DHX35: variants seen among roughly 807,000 people sequenced by gnomAD.
DHX35 encodes the protein probable ATP-dependent RNA helicase DHX35.
In DHX35, 84 loss-of-function variants were observed where a neutral mutation model predicts 99.6. The ratio of observed to expected loss-of-function variants is 0.84; its 90% CI spans 0.71 to 1.01. DHX35 has a LOEUF of 1.01. Among genes scored for constraint, DHX35 ranks in the 50% least tolerant of loss-of-function variants. DHX35 has a pLI of 0.00. For synonymous variants in DHX35, 331 were observed against 316.2 expected, an observed-to-expected ratio of 1.05 and a Z score of -0.50; for missense variants, 852 against 888.5, an observed-to-expected ratio of 0.96 and a Z score of 0.52.
At chr20:38,974,210 A>G (rs2086043124) in intron 3 of DHX35, among the ~76,000 whole-genome samples, 1 of 152,256 alleles carries the variant, frequency 6.6e-6, no homozygotes, top group Admixed American at 6.5e-5. Context: ...ATATAAGGTG[A>G]CTTAGAAACT....
At chr20:39,006,049 C>T in intron 11 of DHX35, 97 bp from the exon 12 acceptor site, 1 of 1,375,834 alleles carries the variant, frequency 7.3e-7, no homozygotes, top group Non-Finnish European at 1.0e-6. Flanking sequence ...ACAGATTCTG[C>T]AATGTTGGAA....
At chr20:39,022,995 C>T (rs1242974715) in intron 16 of DHX35, among the ~76,000 whole-genome samples, 1 of 152,142 alleles carries the variant, frequency 6.6e-6, no homozygotes, top group Non-Finnish European at 1.5e-5. Context: ...TGTTGGGATC[C>T]TCCTTGTCAG....
At chr20:38,965,528 G>T (rs1404181018) in intron 1 of DHX35, among the ~76,000 whole-genome samples, 1 of 151,958 alleles carries the variant, frequency 6.6e-6, no homozygotes, top group African/African-American at 2.4e-5. Flanking sequence ...ATGTACAGTG[G>T]AGATCTACAG....
At chr20:39,001,009 G>T (rs2086511035) in intron 8 of DHX35, among the ~76,000 whole-genome samples, 1 of 152,142 alleles carries the variant, frequency 6.6e-6, no homozygotes, top group Non-Finnish European at 1.5e-5. Context: ...CCCATCATTG[G>T]CTGGAGCCCT....
Position 38,962,402 on chromosome 20 carries a change from G to A in DHX35, c.35G>A (p.Arg12Gln). The A allele has an allele frequency of 6.2e-7, 1 of 1,612,766 alleles. No homozygotes were observed. Among genetic ancestry groups the A allele is most frequent in the South Asian group, 1.1e-5 (1 of 90,912 alleles). ...AAPVGPVKFW[R>Q]PGTEGPGVSI... ...CCCGTGGGACCGGTGAAGTTCTGGCGACCCGGTAAGGCCCTTGGTGGAACG... is the reference window on the plus strand; with the variant it reads ...CCCGTGGGACCGGTGAAGTTCTGGCAACCCGGTAAGGCCCTTGGTGGAACG... The change falls in exon 1 of 22, where the codon CGA becomes CAA. Residue 12 changes from arginine (R) to glutamine (Q), a missense_variant. By Grantham distance (43) the Arg-to-Gln change is conservative. Coordinates refer to ENST00000252011, the MANE Select transcript of DHX35 (RefSeq NM_021931.4).
chr20:38,972,706 GT>G, intron 3 of DHX35, 55 bp downstream of exon 3: 1 of 1,239,648 alleles, frequency 8.1e-7, no homozygotes, highest in South Asian at 1.3e-5. Context: ...GAAGAATTTT[GT>G]AACTTGAGAG....
In DHX35 at chr20:39,006,243, C is replaced by G. The variant is rs2086614962; in HGVS notation, c.1109C>G (p.Pro370Arg). Residue 370 changes from proline (P) to arginine (R), a missense_variant, in exon 12 of 22, where the codon CCC (proline) becomes CGC (arginine). Physicochemically the swap from Pro to Arg is moderately radical, Grantham distance 103. Transcript: ENST00000252011. ...TTTGTGAAACTCCGAGCCTACAATC[C>G]CAGGACAGCTATTGAATGCTTGGTG... ...CGFVKLRAYNPRTAIECLVVV... is the reference protein window; with the variant it reads ...CGFVKLRAYNRRTAIECLVVV... The G allele has an allele frequency of 6.2e-7, 1 of 1,613,978 alleles. No individual in the cohort carries two copies. The highest frequency in any genetic ancestry group is 8.5e-7 in the Non-Finnish European group (1 of 1,180,018).
chr20:39,039,462 A>G lies in DHX35; in HGVS notation c.*919A>G, dbSNP rs1159493135. Reference sequence around the variant, plus strand: ...CAGCAGGCACTGGTTTTGTTGCCCCAGGGCTGCTTTGCTGTGATGATGATT... The same window carrying G: ...CAGCAGGCACTGGTTTTGTTGCCCCGGGGCTGCTTTGCTGTGATGATGATT... On this transcript the variant is annotated 3_prime_UTR_variant, in exon 22 of 22. Transcript: ENST00000252011. 1 of 152,586 alleles carries G rather than the reference A, an allele frequency of 6.6e-6. No homozygotes were observed. The highest frequency in any genetic ancestry group is 1.5e-5 in the Non-Finnish European group (1 of 68,032). The allele number at this position is 152,586 out of a possible 1,614,324, so 9.5% of individuals were successfully genotyped here.
At chr20:38,965,585 A>G (rs1357822686) in intron 1 of DHX35, among the ~76,000 whole-genome samples, 1 of 152,200 alleles carries the variant, frequency 6.6e-6, no homozygotes, top group Non-Finnish European at 1.5e-5. Flanking sequence ...ACTCAGGTCC[A>G]CCTAATTGTT....
intron 12 of DHX35, among the ~76,000 whole-genome samples, chr20:39,009,130 G>A (rs1201790370): frequency 6.6e-6 from 1 of 152,148 alleles, no homozygotes; most frequent in Non-Finnish European, 1.5e-5. Context: ...CACTTCCTGT[G>A]AGCTTTTCAG....
At chr20:38,969,520 TAGC>T (rs144017400) in intron 2 of DHX35, among the ~76,000 whole-genome samples, 3,281 of 152,272 alleles carry the variant, frequency 0.022, 119 homozygotes, top group African/African-American at 0.075. Context: ...GTAGAGAAAA[TAGC>T]AGTTAATTTC....
In DHX35 at chr20:38,992,399, G is replaced by A. The variant is rs1340222572; in HGVS notation, c.556G>A (p.Asp186Asn). Residue 186 changes from aspartate to asparagine, a missense_variant, in exon 7 of 22, where the codon GAC becomes AAC. Coordinates refer to ENST00000252011, the MANE Select transcript of DHX35 (RefSeq NM_021931.4). ...DEAHERTLYTDIAIGLLKKIQ... is the reference protein window; with the variant it reads ...DEAHERTLYTNIAIGLLKKIQ... The stretch of plus-strand genomic sequence containing the variant: ...AGCCCACGAGAGGACCTTGTACACT[G>A]ACATTGCCATTGGCTTGCTAAAAAA... 25 of 1,614,098 alleles carry A rather than the reference G, an allele frequency of 1.5e-5. No homozygotes were observed. The highest frequency in any genetic ancestry group is 2.1e-5 in the Non-Finnish European group (25 of 1,179,990).
At chr20:39,028,823 G>T (rs936905868) in intron 19 of DHX35, among the ~76,000 whole-genome samples, 1 of 152,168 alleles carries the variant, frequency 6.6e-6, no homozygotes, top group African/African-American at 2.4e-5. Flanking sequence ...GTTTCTCAGA[G>T]AAGTTATTTT....
chr20:38,985,574 T>TGC (rs1491090663), intron 4 of DHX35, among the ~76,000 whole-genome samples: 15 of 151,536 alleles, frequency 9.9e-5, no homozygotes, highest in African/African-American at 1.5e-4. Flanking sequence ...TTAGAAGTTA[T>TGC]GTGTGTGTGT....
In DHX35 at chr20:39,025,210, C is replaced by T; in HGVS notation, c.1672-20C>T. On this transcript the variant is annotated intron_variant, in intron 17 of 21. Coordinates refer to ENST00000252011, the MANE Select transcript of DHX35 (RefSeq NM_021931.4). ...GAACATATCTGTTTTCTAACTCCCT[C>T]TCTCTGGGTTGTTCTGTAGCACAAT... 1 of 1,598,826 alleles carries T rather than the reference C, an allele frequency of 6.3e-7. No homozygotes were observed. The highest frequency in any genetic ancestry group is 8.5e-7 in the Non-Finnish European group (1 of 1,173,020).
In DHX35 at chr20:39,023,707, A is replaced by G. The variant is rs371376171; in HGVS notation, c.1611A>G (p.Lys537=). ...QKSHAIRVHR[K]FAVEEGDHLT... ...CTTTCCAGATTCGAGTGCACCGTAA[A>G]TTTGCTGTGGAGGAGGGCGACCACC... Residue 537 remains lysine, a synonymous_variant, in exon 17 of 22, where the codon AAA becomes AAG. Transcript: ENST00000252011. 42 of 1,613,920 alleles carry G rather than the reference A, an allele frequency of 2.6e-5. No individual in the cohort carries two copies. Among genetic ancestry groups the G allele is most frequent in the Non-Finnish European group, 3.1e-5 (36 of 1,179,982 alleles).
intron 4 of DHX35, among the ~76,000 whole-genome samples, chr20:38,987,368 G>A (rs890358798): frequency 6.6e-6 from 1 of 151,980 alleles, no homozygotes; most frequent in South Asian, 2.1e-4. Flanking sequence ...AGCCTCCTGC[G>A]AGTAGCTGGG....
At chr20:39,028,550 G>T in intron 19 of DHX35, 51 bp downstream of exon 19, 2 of 1,572,516 alleles carry the variant, frequency 1.3e-6, no homozygotes, top group South Asian at 2.2e-5. Context: ...TCTTACAAAT[G>T]ACCCAAACCC....
In DHX35 at chr20:38,972,578, A is replaced by G. The variant is rs2086019012; in HGVS notation, c.194A>G (p.Tyr65Cys). 4 of 1,611,062 alleles carry G rather than the reference A, an allele frequency of 2.5e-6. No individual in the cohort carries two copies. Among genetic ancestry groups the G allele is most frequent in the Non-Finnish European group, 3.4e-6 (4 of 1,177,480 alleles). ...PVFKLRNHIL[Y>C]LIENYQTVVI... ...TTTCAGCTTAGGAATCATATTTTAT[A>G]CTTGATAGAAAATTATCAGACAGTG... Residue 65 changes from tyrosine to cysteine, a missense_variant, in exon 3 of 22, where the codon TAC becomes TGC. Physicochemically the swap from Tyr to Cys is radical, Grantham distance 194. Transcript: ENST00000252011.
Sources: gnomAD v4.1 joint callset for allele counts (sites outside exome capture counted in the v4.1 genomes callset) on GRCh38, gnomAD v4.1.1 for gene constraint, MANE v1.5 for transcripts, NCBI Gene and HGNC (gene_info 2026-07-23, HGNC 2026-07-21) for gene names.